ASIC2: variants seen among roughly 807,000 people sequenced by gnomAD.
ASIC2 encodes acid sensing ion channel subunit 2.
ASIC2 carries 25 observed loss-of-function variants against 57.3 expected under a neutral mutation model. The ratio of observed to expected loss-of-function variants is 0.44; its 90% CI spans 0.32 to 0.61. The LOEUF (loss-of-function observed/expected upper bound fraction) is 0.61. Ranked by LOEUF, ASIC2 falls within the 20% of genes least tolerant of loss-of-function variation. The probability of loss-of-function intolerance (pLI) is 0.06; values close to 1 mark genes in which losing one functional copy is unlikely to be tolerated. For synonymous variants in ASIC2, 319 were observed against 307.5 expected (o/e 1.04, Z -0.39); for missense variants, 641 against 738.1 (o/e 0.87, Z 1.52).
chr17:33,777,012 A>G (rs1232597928), intron 1 of ASIC2, among the ~76,000 whole-genome samples: 3 of 151,844 alleles, frequency 2.0e-5, no homozygotes, highest in Non-Finnish European at 4.4e-5. Flanking sequence ...GCTTCCCATT[A>G]CCACCAAGCC....
intron 1 of ASIC2, among the ~76,000 whole-genome samples, chr17:33,843,318 G>A (rs529880724): frequency 4.3e-4 from 66 of 152,260 alleles, no homozygotes; most frequent in African/African-American, 1.5e-3. Context: ...CTCCATCACC[G>A]TTTGAAAGGT....
intron 1 of ASIC2, among the ~76,000 whole-genome samples, chr17:33,226,226 C>T (rs1907875541): frequency 1.3e-5 from 2 of 152,122 alleles, no homozygotes; most frequent in Non-Finnish European, 2.9e-5. Context: ...TGGTTTTCAG[C>T]CTTAGAAAGT....
chr17:34,141,743 G>A (rs2368699), intron 1 of ASIC2, among the ~76,000 whole-genome samples: 4,424 of 152,294 alleles, frequency 0.029, 212 homozygotes, highest in African/African-American at 0.1. Flanking sequence ...ACGCCTCTCT[G>A]CAAACCAGAG....
chr17:33,471,190 A>C (rs893914064), intron 1 of ASIC2, among the ~76,000 whole-genome samples: 2 of 152,174 alleles, frequency 1.3e-5, no homozygotes, highest in Non-Finnish European at 2.9e-5. Flanking sequence ...TTTTGAAAAA[A>C]AATATTGCTC....
chr17:33,647,963 C>T lies in ASIC2; in HGVS notation c.555+508015G>A, dbSNP rs1906798583. ...GACACCAGGGAGGTATGACATGCCA[C>T]CCCCATACCTGTCACCAGTAATCTA... is the stretch of plus-strand genomic sequence containing the variant. On this transcript the variant is annotated intron_variant, in intron 1 of 9. Coordinates refer to the ASIC2 transcript ENST00000359872. Among the ~76,000 whole-genome samples, 3 of 152,178 alleles carry T rather than the reference C, an allele frequency of 2.0e-5. No individual in the cohort carries two copies. In the South Asian group the frequency reaches 6.2e-4, roughly 32 times the overall value.
At chr17:33,070,341 CTTT>C (rs56177718) in intron 3 of ASIC2, among the ~76,000 whole-genome samples, 3 of 143,158 alleles carry the variant, frequency 2.1e-5, no homozygotes, top group Admixed American at 1.4e-4. Flanking sequence ...TTCGCCATTA[CTTT>C]TTTTTTTTTT....
chr17:33,571,514 T>C (rs1262567819), intron 1 of ASIC2, among the ~76,000 whole-genome samples: 2 of 152,174 alleles, frequency 1.3e-5, no homozygotes, highest in African/African-American at 2.4e-5. Flanking sequence ...CTCAAACCCA[T>C]TGATAACCCC....
chr17:33,256,603 T>C (rs975800509), intron 1 of ASIC2, among the ~76,000 whole-genome samples: 1 of 152,124 alleles, frequency 6.6e-6, no homozygotes, highest in East Asian at 1.9e-4. Flanking sequence ...AGCACTGAGG[T>C]GGTGTATCAC....
chr17:33,123,052 T>G (rs960983320), intron 1 of ASIC2, among the ~76,000 whole-genome samples: 3 of 152,172 alleles, frequency 2.0e-5, no homozygotes, highest in Admixed American at 6.5e-5. Flanking sequence ...GGAATGTAAA[T>G]TAGTACACTC....
At chr17:33,999,007 T>C (rs1567782771) in intron 1 of ASIC2, among the ~76,000 whole-genome samples, 2 of 152,132 alleles carry the variant, frequency 1.3e-5, no homozygotes, top group Non-Finnish European at 2.9e-5. Flanking sequence ...ACCCTTTAGT[T>C]CTGTTAATAT....
chr17:33,189,099 G>C (rs1813019516), intron 1 of ASIC2, among the ~76,000 whole-genome samples: 1 of 152,106 alleles, frequency 6.6e-6, no homozygotes, highest in South Asian at 2.1e-4. Flanking sequence ...GTAAGCCTTA[G>C]AGCTGTAGTT....
chr17:33,800,184 C>G (rs1253972835), intron 1 of ASIC2, among the ~76,000 whole-genome samples: 1 of 152,128 alleles, frequency 6.6e-6, no homozygotes, highest in African/African-American at 2.4e-5. Context: ...AATTCCTGGT[C>G]AGACCCATCC....
intron 1 of ASIC2, among the ~76,000 whole-genome samples, chr17:33,224,984 T>C (rs1907827026): frequency 6.6e-6 from 1 of 152,158 alleles, no homozygotes; most frequent in Admixed American, 6.5e-5. Context: ...CAGAGTCTGA[T>C]GGGGAGCTGA....
rs185501486 is a variant in ASIC2, at chr17:33,013,803, C to T, written c.*162G>A. 17 of 654,188 alleles carry T rather than the reference C, an allele frequency of 2.6e-5. No homozygotes were observed. The highest frequency in any genetic ancestry group is 1.3e-4 in the African/African-American group (7 of 54,970). 40.5% of individuals were successfully genotyped at this position (654,188 alleles called of 1,614,324 possible). A position where few individuals can be genotyped will look rare whatever the true frequency, so the allele number is the denominator to read the frequency against. On this transcript the variant is annotated 3_prime_UTR_variant, in exon 10 of 10. Transcript: ENST00000225823. Reference sequence around the variant, plus strand: ...GGGCCCAAGGATGCGTCGTGTTGGACGTGGCCGGAGCGAGGTCTAGGCAGC... The same window carrying T: ...GGGCCCAAGGATGCGTCGTGTTGGATGTGGCCGGAGCGAGGTCTAGGCAGC...
intron 1 of ASIC2, among the ~76,000 whole-genome samples, chr17:33,579,069 T>C (rs1046322766): frequency 4.6e-5 from 7 of 151,942 alleles, no homozygotes; most frequent in African/African-American, 7.3e-5. Context: ...GTGGATCACT[T>C]GAGGTCAGGG....
intron 1 of ASIC2, among the ~76,000 whole-genome samples, chr17:33,546,830 C>A (rs1915592615): frequency 6.6e-6 from 1 of 152,170 alleles, no homozygotes; most frequent in Non-Finnish European, 1.5e-5. Context: ...CAGGACCTCA[C>A]TCCCAGCTCC....
chr17:33,497,311 T>C (rs1913967189), intron 1 of ASIC2, among the ~76,000 whole-genome samples: 1 of 152,230 alleles, frequency 6.6e-6, no homozygotes, highest in Non-Finnish European at 1.5e-5. Flanking sequence ...ACATGGGCAT[T>C]TGGAGAAAGG....
intron 3 of ASIC2, among the ~76,000 whole-genome samples, chr17:33,076,372 CCTGT>C (rs2092089208): frequency 6.6e-6 from 1 of 152,206 alleles, no homozygotes; most frequent in Non-Finnish European, 1.5e-5. Flanking sequence ...TTTATGTGAG[CCTGT>C]CTGTCTATTA....
chr17:33,064,388 C>T (rs2092034170), intron 3 of ASIC2, among the ~76,000 whole-genome samples: 1 of 152,186 alleles, frequency 6.6e-6, no homozygotes, highest in South Asian at 2.1e-4. Flanking sequence ...TGTCAGAACC[C>T]TCAGCTGCAG....
Sources: allele counts gnomAD v4.1 joint callset (sites outside exome capture counted in the v4.1 genomes callset), GRCh38; gene constraint gnomAD v4.1.1; transcripts MANE v1.5; gene names NCBI Gene and HGNC (gene_info 2026-07-23, HGNC 2026-07-21).